CORO7: variants seen among roughly 807,000 people sequenced by gnomAD.
CORO7 encodes coronin-7.
In CORO7, 107 loss-of-function variants were observed where a neutral mutation model predicts 126.6. That is an observed-to-expected ratio of 0.85 (90% CI 0.72 to 0.99). The LOEUF is 0.99. CORO7 is among the 50% of genes least tolerant of loss of function. The pLI, the probability that CORO7 is intolerant of heterozygous loss-of-function variation, is 0.00. For synonymous variants in CORO7, 603 were observed against 536.8 expected, an observed-to-expected ratio of 1.12 and a Z score of -1.70; for missense variants, 1,314 against 1,255.8, an observed-to-expected ratio of 1.05 and a Z score of -0.70.
At chr16:4,413,189 C>T (rs572097441) in intron 2 of CORO7, 119 bp downstream of exon 2, 11 of 1,085,674 alleles carry the variant, frequency 1.0e-5, no homozygotes, top group African/African-American at 4.8e-5. Flanking sequence ...TCTGAGCCCC[C>T]CAAAGCAGTT....
rs762293896 is a variant in CORO7, at chr16:4,361,482, C to T, written c.1579-13G>A. ...CAGGCTTCCGTAGCTGTGGGAGGTGCCCCCACCCCGAGGCCCATCAGTACC... is the reference window on the plus strand; with the variant it reads ...CAGGCTTCCGTAGCTGTGGGAGGTGTCCCCACCCCGAGGCCCATCAGTACC... On this transcript the variant is annotated splice_polypyrimidine_tract_variant and intron_variant, in intron 16 of 27. Transcript: ENST00000251166. 2 of 1,610,116 alleles carry T rather than the reference C, an allele frequency of 1.2e-6. No individual in the cohort carries two copies. Among genetic ancestry groups the T allele is most frequent in the East Asian group, 2.2e-5 (1 of 44,880 alleles).
At chr16:4,415,119 G>A (rs144183890) in intron 1 of CORO7, among the ~76,000 whole-genome samples, 1 of 152,168 alleles carries the variant, frequency 6.6e-6, no homozygotes, top group East Asian at 1.9e-4. Context: ...TCCACCCAAA[G>A]TACTGGGATT....
intron 9 of CORO7, among the ~76,000 whole-genome samples, chr16:4,380,682 A>G (rs1330175657): frequency 6.6e-6 from 1 of 152,248 alleles, no homozygotes; most frequent in African/African-American, 2.4e-5. Flanking sequence ...TGACAAGGTC[A>G]CACAGTGAGG....
In CORO7 at chr16:4,362,114, T is replaced by G; in HGVS notation, c.1449A>C (p.Arg483=). 3 of 1,612,850 alleles carry G rather than the reference T, an allele frequency of 1.9e-6. No homozygotes were observed. Among genetic ancestry groups the G allele is most frequent in the Non-Finnish European group, 2.5e-6 (3 of 1,179,904 alleles). ...CCTTGAGGTTGGTGATGTGGCTGTCTCGGTGCAGGACAGTGCCCTGAGCAT... is the reference window on the plus strand; with the variant it reads ...CCTTGAGGTTGGTGATGTGGCTGTCGCGGTGCAGGACAGTGCCCTGAGCAT... ...FRHAQGTVLH[R]DSHITNLKGL... The change falls in exon 16 of 28, where the codon CGA becomes CGC. Residue 483 remains arginine, a synonymous_variant. Coordinates refer to ENST00000251166, the MANE Select transcript of CORO7 (RefSeq NM_024535.5). The surrounding 1 kb of genome is among the most constrained non-coding windows in gnomAD (Gnocchi z 5.3).
chr16:4,412,068 CA>C (rs1243359595), intron 3 of CORO7, among the ~76,000 whole-genome samples: 1 of 151,954 alleles, frequency 6.6e-6, no homozygotes, highest in Non-Finnish European at 1.5e-5. Flanking sequence ...GAGTCCTCGG[CA>C]GGGACAGGGA....
At chr16:4,382,419 T>A in intron 9 of CORO7, 1 of 1,611,574 alleles carries the variant, frequency 6.2e-7, no homozygotes, top group Non-Finnish European at 8.5e-7. Context: ...TGCGACTGCC[T>A]GCCTCGCTCG....
chr16:4,381,469 C>A, intron 9 of CORO7: 1 of 1,581,348 alleles, frequency 6.3e-7, no homozygotes, highest in Non-Finnish European at 8.6e-7. Flanking sequence ...GGAGGCGCTG[C>A]GGCTGGCTGG....
At chr16:4,381,744 CCTGCGG>C in intron 9 of CORO7, 1 of 1,604,410 alleles carries the variant, frequency 6.2e-7, no homozygotes, top group East Asian at 2.2e-5. Flanking sequence ...TCTTCCCCCG[CCTGCGG>C]CTGCTGGCAG....
chr16:4,378,655 T>G (rs2141236895), intron 9 of CORO7, among the ~76,000 whole-genome samples: 1 of 152,104 alleles, frequency 6.6e-6, no homozygotes, highest in Admixed American at 6.5e-5. Flanking sequence ...CAGGGACGCG[T>G]GCCTGGGGTT....
chr16:4,366,076 A>T (rs1036256367), intron 9 of CORO7, among the ~76,000 whole-genome samples: 1 of 152,076 alleles, frequency 6.6e-6, no homozygotes, highest in Non-Finnish European at 1.5e-5. Context: ...TGCCTCAGTG[A>T]TATCTTGGAA....
intron 2 of CORO7, chr16:4,412,951 G>T: frequency 3.9e-6 from 1 of 254,564 alleles, no homozygotes; most frequent in East Asian, 8.2e-5. Context: ...ACCAACACAC[G>T]GGCTTTTCAA....
chr16:4,361,403 C>G lies in CORO7; in HGVS notation c.1645G>C (p.Asp549His), dbSNP rs775200620. Residue 549 changes from aspartate (D) to histidine (H), a missense_variant, in exon 17 of 28, where the codon GAT (aspartate) becomes CAT (histidine). Transcript: ENST00000251166. The part of the protein sequence containing the change: ...PTLQNGAAVT[D>H]LAWDPFDPHR... ...GGGTCAAAGGGGTCCCAGGCCAGAT[C>G]AGTCACAGCTGCCCCATTCTGCAGC... is the stretch of plus-strand genomic sequence containing the variant. 1.2e-6 allele frequency: 2 copies of G among 1,611,858 alleles called. No individual in the cohort carries two copies. Among genetic ancestry groups the G allele is most frequent in the Non-Finnish European group, 1.7e-6 (2 of 1,179,682 alleles).
chr16:4,401,268 T>C (rs187813466), intron 6 of CORO7, among the ~76,000 whole-genome samples: 2 of 151,936 alleles, frequency 1.3e-5, no homozygotes, highest in African/African-American at 4.8e-5. Flanking sequence ...GTGTGTGGCG[T>C]TGGGGGAGGA....
intron 16 of CORO7, 42 bp from the exon 17 acceptor site, chr16:4,361,511 C>A (rs751799009): frequency 1.3e-6 from 2 of 1,599,520 alleles, no homozygotes; most frequent in East Asian, 4.5e-5. Flanking sequence ...CAGTACCAGG[C>A]AGAAAAGCCA....
In CORO7 at chr16:4,362,692, G is replaced by A; in HGVS notation, c.1322C>T (p.Pro441Leu). The change falls in exon 15 of 28, where the codon CCC becomes CTC. Residue 441 changes from proline to leucine, a missense_variant. Coordinates refer to ENST00000251166, the MANE Select transcript of CORO7 (RefSeq NM_024535.5). The surrounding 1 kb of genome is among the most constrained non-coding windows in gnomAD (Gnocchi z 5.3). ...GGAGAGTGAGGGCCCCAGGCTGGAG[G>A]GCGTGGAGGGCGAGGTCAGCGAACT... ...PPSSLTSPST[P>L]SSLGPSLSST... 6.8e-7 allele frequency: 1 copy of A among 1,473,532 alleles called. No individual in the cohort carries two copies. Among genetic ancestry groups the A allele is most frequent in the Non-Finnish European group, 9.0e-7 (1 of 1,111,072 alleles). The allele number at this position is 1,473,532 out of a possible 1,614,324, so 91.3% of individuals were successfully genotyped here. A position where few individuals can be genotyped will look rare whatever the true frequency, so the allele number is the denominator to read the frequency against.
chr16:4,360,686 C>T lies in CORO7; in HGVS notation c.1918-138G>A. On this transcript the variant is annotated intron_variant, in intron 19 of 27. Coordinates refer to ENST00000251166, the MANE Select transcript of CORO7 (RefSeq NM_024535.5). ...CGCCTCTCCTCACTGCTGGTCTTGC[C>T]TCTCCTCACTGCTGGCCCCCCTCTC... is the stretch of plus-strand genomic sequence containing the variant. 3.7e-6 allele frequency: 5 copies of T among 1,335,312 alleles called. No homozygotes were observed. In the South Asian group the frequency reaches 4.2e-5, roughly 11 times the overall value. The allele number at this position is 1,335,312 out of a possible 1,614,324, so 82.7% of individuals were successfully genotyped here. A position where few individuals can be genotyped will look rare whatever the true frequency, so the allele number is the denominator to read the frequency against.
intron 19 of CORO7, 55 bp downstream of exon 19, chr16:4,360,888 A>C (rs62037616): frequency 1.2e-5 from 4 of 331,830 alleles, no homozygotes; most frequent in Non-Finnish European, 1.4e-5. Flanking sequence ...CCACCTCTCC[A>C]CACTGCTGGC....
chr16:4,406,643 T>C (rs1459953429), intron 5 of CORO7, among the ~76,000 whole-genome samples: 1 of 151,626 alleles, frequency 6.6e-6, no homozygotes, highest in South Asian at 2.1e-4. Flanking sequence ...TTTTTTGTTT[T>C]GAGATGGAGT....
chr16:4,413,965 C>G (rs1314857345), intron 1 of CORO7, among the ~76,000 whole-genome samples: 1 of 151,626 alleles, frequency 6.6e-6, no homozygotes, highest in Non-Finnish European at 1.5e-5. Context: ...GCAGACAGAT[C>G]ATCCTGAGGT....
Sources: gnomAD v4.1 joint callset for allele counts (sites outside exome capture counted in the v4.1 genomes callset) on GRCh38, gnomAD v4.1.1 for gene constraint, Gnocchi (gnomAD v3.1) non-coding constraint, MANE v1.5 for transcripts, NCBI Gene and HGNC (gene_info 2026-07-23, HGNC 2026-07-21) for gene names.